Variants in FOXP2 observed in about 807,000 individuals in gnomAD.
The protein encoded by FOXP2 is forkhead box protein P2.
A neutral mutation model predicts 115.8 loss-of-function variants in FOXP2; 12 were observed. The ratio of observed to expected loss-of-function variants is 0.10; its 90% CI spans 0.07 to 0.17. The LOEUF is 0.17. Among genes scored for constraint, FOXP2 ranks in the 10% least tolerant of loss-of-function variants. FOXP2 has a pLI of 1.00. For missense variants in FOXP2, 629 were observed against 843.5 expected (o/e 0.75, Z 3.15); for synonymous variants, 328 against 297.7 (o/e 1.10, Z -1.05).
At chr7:114,213,591 C>G (rs1017478228) in intron 1 of FOXP2, among the ~76,000 whole-genome samples, 2 of 152,030 alleles carry the variant, frequency 1.3e-5, no homozygotes, top group African/African-American at 4.8e-5. Context: ...TCTTTAAAAA[C>G]TATATTAATG....
At chr7:114,171,884 G>A (rs1793151739) in intron 1 of FOXP2, among the ~76,000 whole-genome samples, 1 of 152,142 alleles carries the variant, frequency 6.6e-6, no homozygotes, top group Non-Finnish European at 1.5e-5. Flanking sequence ...ATTAACAGGA[G>A]TTGGAAGAAA....
intron 2 of FOXP2, among the ~76,000 whole-genome samples, chr7:114,342,810 T>C (rs1239804763): frequency 6.6e-6 from 1 of 151,560 alleles, no homozygotes; most frequent in African/African-American, 2.4e-5. Flanking sequence ...AGAGAAATGA[T>C]TAATGGTTAT....
intron 2 of FOXP2, among the ~76,000 whole-genome samples, chr7:114,386,245 TAATAGAGTGA>T (rs1446847168): frequency 9.2e-5 from 14 of 152,234 alleles, no homozygotes; most frequent in Non-Finnish European, 1.9e-4. Flanking sequence ...TTGCAAGATT[TAATAGAGTGA>T]AATAGAGTGA....
At chr7:114,673,562 T>C (rs1218533324) in intron 16 of FOXP2, among the ~76,000 whole-genome samples, 3 of 152,322 alleles carry the variant, frequency 2.0e-5, no homozygotes, top group Non-Finnish European at 4.4e-5. Flanking sequence ...ATTGCATAAA[T>C]TTAAATACAT....
chr7:114,449,549 G>A (rs964504276), intron 2 of FOXP2, among the ~76,000 whole-genome samples: 2 of 151,926 alleles, frequency 1.3e-5, no homozygotes, highest in Non-Finnish European at 1.5e-5. Flanking sequence ...TCTGACAGAT[G>A]GATGGGTCAT....
At chr7:114,221,755 C>G (rs574163080) in intron 1 of FOXP2, among the ~76,000 whole-genome samples, 2 of 152,312 alleles carry the variant, frequency 1.3e-5, no homozygotes, top group South Asian at 4.1e-4. Flanking sequence ...ATAATGAAGA[C>G]TTTTAAACTG....
At chr7:114,355,752 T>A (rs1262657766) in intron 2 of FOXP2, among the ~76,000 whole-genome samples, 1 of 152,116 alleles carries the variant, frequency 6.6e-6, no homozygotes, top group African/African-American at 2.4e-5. Flanking sequence ...CCGGGGCTAG[T>A]TGATGAATGG....
rs1195880674 is a variant in FOXP2 at position 114,176,273 on chromosome 7, T to TTTCG, written c.-102+13188_-102+13189insGTTC. Among the ~76,000 whole-genome samples the TTTCG allele has an allele frequency of 3.1e-3, 130 of 41,804 alleles. 1 individual carries two copies. The highest frequency in any genetic ancestry group is 6.5e-3 in the African/African-American group (96 of 14,854). 27.4% of individuals were successfully genotyped at this position (41,804 alleles called of 152,430 possible). On this transcript the variant is annotated intron_variant, in intron 1 of 17. Transcript: ENST00000634411. Reference sequence around the variant, plus strand: ...CTCTCTCTCTCTTTCCCTTTCTTTCTTTCTTTCTTTCTTTCTTTCTTTCTT... The same window carrying TTTCG: ...CTCTCTCTCTCTTTCCCTTTCTTTCTTTCGTTCTTTCTTTCTTTCTTTCTTTCTT...
At chr7:114,388,097 C>T (rs1435168791) in intron 2 of FOXP2, among the ~76,000 whole-genome samples, 1 of 152,118 alleles carries the variant, frequency 6.6e-6, no homozygotes, top group Non-Finnish European at 1.5e-5. Context: ...CCAACACTTG[C>T]AAAGGTTTAG....
chr7:114,229,714 C>T, intron 1 of FOXP2, among the ~76,000 whole-genome samples: 1 of 150,952 alleles, frequency 6.6e-6, no homozygotes, highest in Non-Finnish European at 1.5e-5. Flanking sequence ...AAAAACACAA[C>T]ATGCCAAGAC....
intron 16 of FOXP2, among the ~76,000 whole-genome samples, chr7:114,678,763 A>T (rs1316811612): frequency 1.3e-5 from 2 of 151,950 alleles, no homozygotes; most frequent in Non-Finnish European, 2.9e-5. Context: ...CTGTGGGGGA[A>T]TTTGTTTTCA....
At chr7:114,456,038 G>T (rs745311898) in intron 2 of FOXP2, among the ~76,000 whole-genome samples, 1 of 152,126 alleles carries the variant, frequency 6.6e-6, no homozygotes, top group Non-Finnish European at 1.5e-5. Context: ...ATCCAAATCA[G>T]CTTTCCCTGA....
At chr7:114,345,651 G>T (rs557893229) in intron 2 of FOXP2, among the ~76,000 whole-genome samples, 1 of 151,580 alleles carries the variant, frequency 6.6e-6, no homozygotes, top group African/African-American at 2.4e-5. Context: ...ATTAATGGCC[G>T]ATTCTGTTTA....
intron 2 of FOXP2, among the ~76,000 whole-genome samples, chr7:114,323,195 A>G (rs1030329995): frequency 1.3e-5 from 2 of 152,136 alleles, no homozygotes; most frequent in Non-Finnish European, 2.9e-5. Flanking sequence ...TTATACAATG[A>G]CAATCCATTA....
intron 2 of FOXP2, among the ~76,000 whole-genome samples, chr7:114,451,458 A>T (rs1270759804): frequency 6.6e-6 from 1 of 152,042 alleles, no homozygotes; most frequent in African/African-American, 2.4e-5. Context: ...GGGGAATTAA[A>T]CAACTATAAA....
chr7:114,388,390 A>ATC (rs998773720), intron 2 of FOXP2, among the ~76,000 whole-genome samples: 4 of 121,896 alleles, frequency 3.3e-5, no homozygotes, highest in Non-Finnish European at 7.3e-5. Flanking sequence ...CAAGGAACTT[A>ATC]TCTCTTTTTT....
intron 1 of FOXP2, among the ~76,000 whole-genome samples, chr7:114,191,816 TG>T (rs1479608625): frequency 6.6e-6 from 1 of 152,178 alleles, no homozygotes; most frequent in African/African-American, 2.4e-5. Flanking sequence ...TTTTTTGTGT[TG>T]TTTTTTTCCG....
intron 2 of FOXP2, among the ~76,000 whole-genome samples, chr7:114,452,295 A>G (rs1447971551): frequency 6.6e-6 from 1 of 152,028 alleles, no homozygotes; most frequent in African/African-American, 2.4e-5. Context: ...GGTTCAAGTA[A>G]GTGACACACT....
chr7:114,207,110 G>GT (rs1018063867), intron 1 of FOXP2, among the ~76,000 whole-genome samples: 3 of 152,068 alleles, frequency 2.0e-5, no homozygotes, highest in Non-Finnish European at 4.4e-5. Context: ...TGTTTTCAAG[G>GT]TTTACCCATA....
Sources: gnomAD v4.1 joint callset for allele counts (sites outside exome capture counted in the v4.1 genomes callset) on GRCh38, gnomAD v4.1.1 for gene constraint, MANE v1.5 for transcripts, NCBI Gene and HGNC (gene_info 2026-07-23, HGNC 2026-07-21) for gene names.